Variants in ALDH16A1 observed in about 807,000 individuals in gnomAD.
ALDH16A1 encodes the protein aldehyde dehydrogenase family 16 member A1.
A neutral mutation model predicts 96.1 loss-of-function variants in ALDH16A1; 88 were observed. That is an observed-to-expected ratio of 0.92 (90% CI 0.77 to 1.09). The LOEUF is 1.09. ALDH16A1 is among the 50% of genes least tolerant of loss of function. The probability of loss-of-function intolerance (pLI) is 0.00; values close to 1 mark genes in which losing one functional copy is unlikely to be tolerated. For missense variants in ALDH16A1, 1,250 were observed against 1,112.6 expected (o/e 1.12, Z -1.76); for synonymous variants, 522 against 496.4 (o/e 1.05, Z -0.69).
intron 1 of ALDH16A1, 137 bp downstream of exon 1, chr19:49,453,558 A>G (rs2079085610): frequency 1.2e-6 from 1 of 823,094 alleles, no homozygotes; most frequent in South Asian, 1.7e-5. Context: ...CCGCCGCCCA[A>G]TAGGATCGCG....
Position 49,468,637 on chromosome 19 carries a change from G to A in ALDH16A1, c.2124+71G>A, listed in dbSNP as rs529973232. On this transcript the variant is annotated intron_variant, in intron 15 of 16. Coordinates refer to ENST00000293350, the MANE Select transcript of ALDH16A1 (RefSeq NM_153329.4). This position sits in a 1 kb window ranked among gnomAD's most constrained non-coding sequence, Gnocchi z 4.4. ...CAGCAGAAAAAGGCGCCCCAAAGTCGGCAGGAGCTTGTCTCTTACCCCACC... is the reference window on the plus strand; with the variant it reads ...CAGCAGAAAAAGGCGCCCCAAAGTCAGCAGGAGCTTGTCTCTTACCCCACC... 172 of 1,551,694 alleles carry A rather than the reference G, an allele frequency of 1.1e-4. No homozygotes were observed. In the East Asian group the frequency reaches 3.0e-3, roughly 27 times the overall value.
chr19:49,466,240 G>A lies in ALDH16A1; in HGVS notation c.1895G>A (p.Arg632Gln), dbSNP rs868579560. 9.4e-6 allele frequency: 14 copies of A among 1,486,650 alleles called. No individual in the cohort carries two copies. Among genetic ancestry groups the A allele is most frequent in the East Asian group, 2.4e-5 (1 of 42,092 alleles). The allele number at this position is 1,486,650 out of a possible 1,614,324, so 92.1% of individuals were successfully genotyped here. A position where few individuals can be genotyped will look rare whatever the true frequency, so the allele number is the denominator to read the frequency against. Residue 632 changes from arginine to glutamine, a missense_variant, in exon 14 of 17, where the codon CGG (arginine) becomes CAG (glutamine). By Grantham distance (43) the Arg-to-Gln change is conservative. Coordinates refer to ENST00000293350, the MANE Select transcript of ALDH16A1 (RefSeq NM_153329.4). ...AEVELSARRL[R>Q]AWGARVQAQG... ...GTGGAGCTGAGCGCAAGACGACTTC[G>A]GGCGTGGGGGGCCCGGGTGCAGGCC... is the stretch of plus-strand genomic sequence containing the variant.
At chr19:49,460,766 G>T in intron 4 of ALDH16A1, 56 bp from the exon 5 acceptor site, 1 of 1,487,882 alleles carries the variant, frequency 6.7e-7, no homozygotes, top group South Asian at 1.1e-5. Context: ...TGTGGCCCAG[G>T]CTGGACTTAA....
Position 49,461,930 on chromosome 19 carries a change from T to C in ALDH16A1, c.806T>C (p.Leu269Pro). The change falls in exon 7 of 17, where the codon CTG becomes CCG. Residue 269 changes from leucine to proline, a missense_variant. Physicochemically the swap from Leu to Pro is moderately conservative, Grantham distance 98 (BLOSUM62 -3). Transcript: ENST00000293350. The stretch of plus-strand genomic sequence containing the variant: ...AGCCTGGCGGGAGAGTGTGCGGAGC[T>C]GGGCCTGGCGCTGGGGACGGAGTCG... ...RRSLAGECAE[L>P]GLALGTESLL... is the part of the protein sequence containing the mutation. The C allele has an allele frequency of 6.3e-7, 1 of 1,576,568 alleles. No individual in the cohort carries two copies. The highest frequency in any genetic ancestry group is 1.2e-5 in the South Asian group (1 of 86,842).
chr19:49,470,533 C>G lies in ALDH16A1; in HGVS notation c.*66C>G. On this transcript the variant is annotated 3_prime_UTR_variant, in exon 17 of 17. Coordinates refer to ENST00000293350, the MANE Select transcript of ALDH16A1 (RefSeq NM_153329.4). Reference sequence around the variant, plus strand: ...AAGGGGAGATGCACCCCACAGACACCTGGGACTTTCCCCTTCTGGTTCCTG... The same window carrying G: ...AAGGGGAGATGCACCCCACAGACACGTGGGACTTTCCCCTTCTGGTTCCTG... The G allele has an allele frequency of 7.1e-7, 1 of 1,415,992 alleles. No individual in the cohort carries two copies. 87.7% of individuals were successfully genotyped at this position (1,415,992 alleles called of 1,614,324 possible).
At position 49,462,768 on chromosome 19, in the gene ALDH16A1, G is replaced by A. The variant is rs368157008; in HGVS notation, c.1098+13G>A. 64 of 1,554,058 alleles carry A rather than the reference G, an allele frequency of 4.1e-5. No individual in the cohort carries two copies. The highest frequency in any genetic ancestry group is 1.2e-5 in the South Asian group (1 of 84,226). ...CCAGGGTGCACAGGTGAGGCAGGGG[G>A]TAGAGACTTGAGGGTGTCAGGGGAG... On this transcript the variant is annotated intron_variant, in intron 8 of 16. Coordinates refer to ENST00000293350, the MANE Select transcript of ALDH16A1 (RefSeq NM_153329.4).
intron 12 of ALDH16A1, among the ~76,000 whole-genome samples, chr19:49,465,135 C>T (rs1216423642): frequency 1.3e-5 from 2 of 148,948 alleles, no homozygotes; most frequent in Admixed American, 1.3e-4. Flanking sequence ...TTGAGGTCCC[C>T]CCAGAGACTC....
At chr19:49,462,137 T>C in intron 7 of ALDH16A1, 101 bp downstream of exon 7, 1 of 1,388,074 alleles carries the variant, frequency 7.2e-7, no homozygotes. Context: ...TTTTATTTTA[T>C]TTTATTTATT....
rs201699720 is a variant in ALDH16A1 at position 49,468,387 on chromosome 19, G to A, written c.1945G>A (p.Gly649Arg). ...GACCCACCTGTCCCTGCAGGTAGCC[G>A]GGCTGAGAGGCCCTGTGCTGCGCCT... ...QAQGHTLQVA[G>R]LRGPVLRLRE... Residue 649 changes from glycine (G) to arginine (R), a missense_variant, in exon 15 of 17, where the codon GGG becomes AGG. By Grantham distance (125) the Gly-to-Arg change is moderately radical (BLOSUM62 -2). Coordinates refer to ENST00000293350, the MANE Select transcript of ALDH16A1 (RefSeq NM_153329.4). This position sits in a 1 kb window ranked among gnomAD's most constrained non-coding sequence, Gnocchi z 4.4. The A allele has an allele frequency of 4.1e-5, 65 of 1,598,708 alleles. 1 individual carries two copies. The Admixed American group carries it at 7.8e-4, about 19-fold the overall frequency.
At chr19:49,461,006 T>C (rs1322896318) in intron 5 of ALDH16A1, 107 bp downstream of exon 5, 1 of 1,242,252 alleles carries the variant, frequency 8.0e-7, no homozygotes, top group Non-Finnish European at 1.2e-6. Flanking sequence ...GCCTGGACTC[T>C]GTGGAAGGAG....
chr19:49,466,313 T>A, intron 14 of ALDH16A1, 30 bp downstream of exon 14: 1 of 1,426,920 alleles, frequency 7.0e-7, no homozygotes, highest in Non-Finnish European at 9.2e-7. Context: ...CTGGGCCAGC[T>A]GGGCAGGCGG....
At chr19:49,455,409 T>C (rs1601015526) in intron 1 of ALDH16A1, among the ~76,000 whole-genome samples, 8 of 119,628 alleles carry the variant, frequency 6.7e-5, no homozygotes, top group Admixed American at 2.8e-4. Context: ...AGAGCAAAAC[T>C]CCATCTCAAA....
chr19:49,459,579 G>T lies in ALDH16A1; in HGVS notation c.321-91G>T. On this transcript the variant is annotated intron_variant, in intron 3 of 16. Transcript: ENST00000293350. This position sits in a 1 kb window ranked among gnomAD's most constrained non-coding sequence, Gnocchi z 4.1. ...TGGTGGGGATGCCTCAGGGGCTCAT[G>T]GGGATTGTAGTCCAGGTATATAGGA... is the stretch of plus-strand genomic sequence containing the variant. 7.0e-7 allele frequency: 1 copy of T among 1,430,568 alleles called. No individual in the cohort carries two copies. Among genetic ancestry groups the T allele is most frequent in the African/African-American group, 1.4e-5 (1 of 69,256 alleles). 88.6% of individuals were successfully genotyped at this position (1,430,568 alleles called of 1,614,324 possible). A position where few individuals can be genotyped will look rare whatever the true frequency, so the allele number is the denominator to read the frequency against.
At chr19:49,463,744 G>T in intron 8 of ALDH16A1, 110 bp from the exon 9 acceptor site, 1 of 873,894 alleles carries the variant, frequency 1.1e-6, no homozygotes, top group Non-Finnish European at 1.8e-6. Context: ...GGGAGGAGGG[G>T]CTGGGGGCCT....
rs201941123 is a variant in ALDH16A1, at chr19:49,466,204, C to T, written c.1859C>T (p.Ala620Val). 2.7e-4 allele frequency: 409 copies of T among 1,535,668 alleles called. 4 individuals carry two copies. The highest frequency in any genetic ancestry group is 7.2e-4 in the South Asian group (59 of 82,282). Residue 620 changes from alanine to valine, a missense_variant, in exon 14 of 17, where the codon GCG (alanine) becomes GTG (valine). By Grantham distance (64) the Ala-to-Val change is moderately conservative. Transcript: ENST00000293350. ...LERQGAELKA[A>V]EAEVELSARR... ...AGGCAGGGAGCGGAGCTCAAGGCTG[C>T]GGAGGCGGAGGTGGAGCTGAGCGCA...
intron 6 of ALDH16A1, 25 bp from the exon 7 acceptor site, chr19:49,461,859 C>T (rs373865423): frequency 2.3e-5 from 37 of 1,594,444 alleles, no homozygotes; most frequent in East Asian, 6.8e-5. Context: ...GCTCCTCCTG[C>T]GGCTGAACTG....
In ALDH16A1 at chr19:49,464,409, C is replaced by T; in HGVS notation, c.1332-8C>T. On this transcript the variant is annotated splice_polypyrimidine_tract_variant and splice_region_variant and intron_variant, in intron 10 of 16. Transcript: ENST00000293350. ...TTCCTCTGTTGGACACCTTCATCTTCCCCACAGGCTCCAGGTGGGCACTGT... is the reference window on the plus strand; with the variant it reads ...TTCCTCTGTTGGACACCTTCATCTTTCCCACAGGCTCCAGGTGGGCACTGT... 1 of 1,593,564 alleles carries T rather than the reference C, an allele frequency of 6.3e-7. No homozygotes were observed. Among genetic ancestry groups the T allele is most frequent in the Non-Finnish European group, 8.5e-7 (1 of 1,169,872 alleles).
At chr19:49,461,451 T>C (rs2079144077) in intron 5 of ALDH16A1, among the ~76,000 whole-genome samples, 168 bp from the exon 6 acceptor site, 1 of 59,032 alleles carries the variant, frequency 1.7e-5, no homozygotes, top group South Asian at 5.4e-4. Flanking sequence ...CTCCGGGGTC[T>C]GAGGGAGGAG....
intron 2 of ALDH16A1, 92 bp downstream of exon 2, chr19:49,458,680 G>A (rs1479816911): frequency 2.2e-6 from 3 of 1,371,708 alleles, no homozygotes; most frequent in Admixed American, 2.0e-5. Context: ...CTAGGGCCCT[G>A]AGGGCAGGAA....
Sources: allele counts gnomAD v4.1 joint callset (sites outside exome capture counted in the v4.1 genomes callset), GRCh38; gene constraint gnomAD v4.1.1; non-coding constraint Gnocchi (gnomAD v3.1); transcripts MANE v1.5; gene names NCBI Gene and HGNC (gene_info 2026-07-23, HGNC 2026-07-21).